Variants in SMAD9 observed in about 807,000 individuals in gnomAD.
SMAD9 encodes the protein MAD homolog 9.
Under a neutral mutation model 46.1 loss-of-function variants are expected in SMAD9, and 36 were observed. The observed-to-expected ratio is 0.78, with a 90% CI of 0.60 to 1.03. The LOEUF is 1.03. Among genes scored for constraint, SMAD9 ranks in the 50% least tolerant of loss-of-function variants. The probability of loss-of-function intolerance (pLI) is 0.00; values close to 1 mark genes in which losing one functional copy is unlikely to be tolerated. For missense variants in SMAD9, 572 were observed against 599.8 expected (o/e 0.95, Z 0.48); for synonymous variants, 245 against 237.1 (o/e 1.03, Z -0.31).
Position 36,874,768 on chromosome 13 carries a change from G to A in SMAD9, c.413-1853C>T, listed in dbSNP as rs561967749. Among the ~76,000 whole-genome samples, 8 of 147,090 alleles carry A rather than the reference G, an allele frequency of 5.4e-5. No individual in the cohort carries two copies. In the East Asian group the frequency reaches 1.6e-3, roughly 30 times the overall value. ...GCTACTTGGGGGGGCTGAGGTAGGA[G>A]AATGGCGTGAACCCAGGAGGCGGAG... On this transcript the variant is annotated intron_variant, in intron 2 of 6. Coordinates refer to ENST00000379826, the MANE Select transcript of SMAD9 (RefSeq NM_001127217.3).
chr13:36,884,712 A>G (rs1173940424), intron 1 of SMAD9, among the ~76,000 whole-genome samples: 1 of 152,210 alleles, frequency 6.6e-6, no homozygotes, highest in African/African-American at 2.4e-5. Flanking sequence ...GTTACTGAAG[A>G]TGATTTCCAC....
Position 36,855,303 on chromosome 13 carries a change from C to T in SMAD9, c.1004-1628G>A, listed in dbSNP as rs552078300. ...AAAGCATCCTGAGAATGTTGCTGCTCATGCTAATTTCCATTCCAAATTAAA... is the reference window on the plus strand; with the variant it reads ...AAAGCATCCTGAGAATGTTGCTGCTTATGCTAATTTCCATTCCAAATTAAA... On this transcript the variant is annotated intron_variant, in intron 5 of 6. Transcript: ENST00000379826. Among the ~76,000 whole-genome samples the T allele has an allele frequency of 2.7e-5, 4 of 149,666 alleles. No individual in the cohort carries two copies. The South Asian group carries it at 8.6e-4, about 32-fold the overall frequency.
upstream of SMAD9, chr13:36,920,584 G>A (rs2138750178): frequency 6.6e-6 from 1 of 152,318 alleles, no homozygotes; most frequent in South Asian, 2.1e-4. Context: ...GGGGTGGGGT[G>A]GGAGCCCTTT....
intron 4 of SMAD9, 87 bp downstream of exon 4, chr13:36,867,186 G>T: frequency 1.1e-6 from 1 of 879,740 alleles, no homozygotes; most frequent in Non-Finnish European, 1.9e-6. Flanking sequence ...GTACATTTCT[G>T]GTTTTCTTTT....
In SMAD9 at chr13:36,902,459, CT is replaced by C. The variant is rs933954033; in HGVS notation, c.-187+17656del. ...ATGCGAGTCCTTCAACTTTGTTCTT[CT>C]TTTTTTTTTTTGAGATGGAGTCTTA... On this transcript the variant is annotated intron_variant, in intron 1 of 6. Coordinates refer to ENST00000379826, the MANE Select transcript of SMAD9 (RefSeq NM_001127217.3). Among the ~76,000 whole-genome samples, 343 of 144,702 alleles carry C rather than the reference CT, an allele frequency of 2.4e-3. 3 individuals carry two copies. Among genetic ancestry groups the C allele is most frequent in the East Asian group, 0.014 (69 of 4,984 alleles). 94.9% of individuals were successfully genotyped at this position (144,702 alleles called of 152,430 possible). A position where few individuals can be genotyped will look rare whatever the true frequency, so the allele number is the denominator to read the frequency against.
intron 1 of SMAD9, among the ~76,000 whole-genome samples, chr13:36,911,672 T>C (rs969136431): frequency 6.8e-6 from 1 of 146,488 alleles, no homozygotes; most frequent in South Asian, 2.2e-4. Flanking sequence ...AAATAAGCCG[T>C]GTTATGAACT....
At chr13:36,896,764 G>C (rs917883214) in intron 1 of SMAD9, among the ~76,000 whole-genome samples, 1 of 18,144 alleles carries the variant, frequency 5.5e-5, no homozygotes. Context: ...ACATTTTTGT[G>C]TATTTTTTCT....
At chr13:36,918,602 A>G (rs542235916) in intron 1 of SMAD9, among the ~76,000 whole-genome samples, 2 of 152,220 alleles carry the variant, frequency 1.3e-5, no homozygotes, top group Admixed American at 6.5e-5. Context: ...TCTTATCTGA[A>G]GCCTCCTTCT....
rs1359123421 is a variant in SMAD9, at chr13:36,846,121, A to C, written c.*2555T>G. The C allele has an allele frequency of 6.6e-6, 1 of 151,780 alleles. No homozygotes were observed. The highest frequency in any genetic ancestry group is 3.1e-3 in the Middle Eastern group (1 of 318). 9.4% of individuals were successfully genotyped at this position (151,780 alleles called of 1,614,324 possible). A position where few individuals can be genotyped will look rare whatever the true frequency, so the allele number is the denominator to read the frequency against. On this transcript the variant is annotated 3_prime_UTR_variant, in exon 7 of 7. Coordinates refer to ENST00000379826, the MANE Select transcript of SMAD9 (RefSeq NM_001127217.3). ...ACTATAGGAATGAGCCACTGCATCC[A>C]GATTTTTTTTTTGTTTTTAATGTCA...
At chr13:36,854,142 G>C (rs560076083) in intron 5 of SMAD9, among the ~76,000 whole-genome samples, 51 of 152,020 alleles carry the variant, frequency 3.4e-4, no homozygotes, top group Admixed American at 2.6e-3. Flanking sequence ...CTGGGTGACA[G>C]AGCAAGATGT....
intron 2 of SMAD9, among the ~76,000 whole-genome samples, chr13:36,876,488 A>G (rs369541913): frequency 3.3e-5 from 5 of 152,358 alleles, no homozygotes; most frequent in South Asian, 2.1e-4. Flanking sequence ...AACTTTTCAC[A>G]GCAATTTGAC....
At chr13:36,871,266 T>G (rs909678067) in intron 3 of SMAD9, among the ~76,000 whole-genome samples, 5 of 152,122 alleles carry the variant, frequency 3.3e-5, no homozygotes, top group Non-Finnish European at 5.9e-5. Flanking sequence ...GCCTGTAATC[T>G]CAGCACTTTG....
chr13:36,867,571 G>T (rs1406804470), intron 3 of SMAD9, among the ~76,000 whole-genome samples, 188 bp from the exon 4 acceptor site: 1 of 152,180 alleles, frequency 6.6e-6, no homozygotes, highest in Non-Finnish European at 1.5e-5. Flanking sequence ...GAAACTGGTT[G>T]TTCTGAGAGC....
chr13:36,868,281 C>T (rs912820952), intron 3 of SMAD9, among the ~76,000 whole-genome samples: 1 of 152,198 alleles, frequency 6.6e-6, no homozygotes, highest in African/African-American at 2.4e-5. Context: ...TTTTAACATG[C>T]CCCAATGGCA....
Position 36,862,638 on chromosome 13 carries a change from T to A in SMAD9, c.1003+2899A>T, listed in dbSNP as rs137890850. Reference sequence around the variant, plus strand: ...ACTACATTATCAGTCGAACAGCCCATGCTGCTGCTCTGCCTGTGGAGTAGC... The same window carrying A: ...ACTACATTATCAGTCGAACAGCCCAAGCTGCTGCTCTGCCTGTGGAGTAGC... On this transcript the variant is annotated intron_variant, in intron 5 of 6. Coordinates refer to ENST00000379826, the MANE Select transcript of SMAD9 (RefSeq NM_001127217.3). Among the ~76,000 whole-genome samples, 15 of 152,358 alleles carry A rather than the reference T, an allele frequency of 9.8e-5. 1 individual carries two copies. The highest frequency in any genetic ancestry group is 3.3e-4 in the Admixed American group (5 of 15,306).
intron 2 of SMAD9, among the ~76,000 whole-genome samples, chr13:36,875,276 G>A (rs9547688): frequency 0.17 from 26,279 of 152,128 alleles, 2,734 homozygotes; most frequent in Non-Finnish European, 0.23. Context: ...CATTAACCCC[G>A]AAGTCTGCCA....
At chr13:36,871,739 AG>A (rs1194005291) in intron 3 of SMAD9, among the ~76,000 whole-genome samples, 2 of 152,232 alleles carry the variant, frequency 1.3e-5, no homozygotes, top group Admixed American at 6.5e-5. Context: ...AAAGGAACTA[AG>A]TAACTGAGAG....
chr13:36,914,066 T>C (rs2058680691), intron 1 of SMAD9, among the ~76,000 whole-genome samples: 1 of 152,158 alleles, frequency 6.6e-6, no homozygotes, highest in Non-Finnish European at 1.5e-5. Context: ...CTCACTAGGA[T>C]CCTCTCAACT....
At position 36,906,289 on chromosome 13, in the gene SMAD9, T is replaced by A. The variant is rs1014407401; in HGVS notation, c.-187+13827A>T. On this transcript the variant is annotated intron_variant, in intron 1 of 6. Coordinates refer to ENST00000379826, the MANE Select transcript of SMAD9 (RefSeq NM_001127217.3). Reference sequence around the variant, plus strand: ...GTGGGTTTTTAAAAACAGGAAATTTTAAAAAATGTTTTATTCCTTTTATTT... The same window carrying A: ...GTGGGTTTTTAAAAACAGGAAATTTAAAAAAATGTTTTATTCCTTTTATTT... Among the ~76,000 whole-genome samples the A allele has an allele frequency of 2.5e-4, 38 of 152,256 alleles. No individual in the cohort carries two copies. The East Asian group carries it at 6.2e-3, about 25-fold the overall frequency.
Sources: allele counts gnomAD v4.1 joint callset (sites outside exome capture counted in the v4.1 genomes callset), GRCh38; gene constraint gnomAD v4.1.1; transcripts MANE v1.5; gene names NCBI Gene and HGNC (gene_info 2026-07-23, HGNC 2026-07-21).